Variants in NLGN4X observed in about 807,000 individuals in gnomAD.
NLGN4X encodes neuroligin-4, X-linked.
In NLGN4X, 3 loss-of-function variants were observed where a neutral mutation model predicts 40.3. The observed-to-expected ratio is 0.07, with a 90% CI of 0.03 to 0.19. The LOEUF is 0.19. Among genes scored for constraint, NLGN4X ranks in the 10% least tolerant of loss-of-function variants. NLGN4X has a pLI of 1.00. For missense variants in NLGN4X, 382 were observed against 708.3 expected (o/e 0.54, Z 5.23); for synonymous variants, 270 against 306.8 (o/e 0.88, Z 1.25).
intron 2 of NLGN4X, among the ~76,000 whole-genome samples, chrX:6,140,972 T>A (rs1258127053): frequency 1.8e-5 from 2 of 111,650 alleles, no homozygotes; most frequent in Non-Finnish European, 3.8e-5. Flanking sequence ...TTTGCTTTAT[T>A]TTACCAGTAG....
At chrX:6,057,617 A>C (rs937136851) in intron 2 of NLGN4X, among the ~76,000 whole-genome samples, 1 of 112,382 alleles carries the variant, frequency 8.9e-6, no homozygotes, top group African/African-American at 3.2e-5. Flanking sequence ...ACATGTATAT[A>C]TGTAAGGGTC....
At chrX:6,196,545 C>G (rs1439905921) in intron 1 of NLGN4X, among the ~76,000 whole-genome samples, 1 of 31,860 alleles carries the variant, frequency 3.1e-5, no homozygotes. Flanking sequence ...GAGCGAGACT[C>G]TGTCTCAAAA....
At position 5,903,368 on chromosome X, in the gene NLGN4X, C is replaced by T. The variant is rs1377267584; in HGVS notation, c.1310G>A (p.Arg437Gln). 3 of 1,209,358 alleles carry T rather than the reference C, an allele frequency of 2.5e-6. No individual in the cohort carries two copies. The highest frequency in any genetic ancestry group is 3.4e-6 in the Non-Finnish European group (3 of 894,952). ...WADKENPETR[R>Q]KTLVALFTDH... ...AGTAAAGAGAGCCACCAGGGTTTTC[C>T]GCCGCGTCTCCGGGTTTTCCTTATC... The change falls in exon 5 of 6, where the codon CGG becomes CAG. Residue 437 changes from arginine to glutamine, a missense_variant. Physicochemically the swap from Arg to Gln is conservative, Grantham distance 43. Transcript: ENST00000381095.
chrX:6,097,737 G>A (rs1187256142), intron 2 of NLGN4X, among the ~76,000 whole-genome samples: 3 of 111,701 alleles, frequency 2.7e-5, no homozygotes, highest in African/African-American at 9.8e-5. Flanking sequence ...TCACTCATTA[G>A]TTCAGGGACA....
intron 2 of NLGN4X, among the ~76,000 whole-genome samples, chrX:6,036,114 A>C (rs1298654994): frequency 9.0e-6 from 1 of 111,711 alleles, no homozygotes; most frequent in Admixed American, 9.5e-5. Flanking sequence ...ATTTATACCC[A>C]TGTGAGTTGC....
At chrX:6,156,369 C>T (rs1436935712) in intron 1 of NLGN4X, among the ~76,000 whole-genome samples, 2 of 110,905 alleles carry the variant, frequency 1.8e-5, no homozygotes, top group Admixed American at 9.6e-5. Context: ...ATTAGCTGGG[C>T]GTGGTGGCGG....
intron 3 of NLGN4X, among the ~76,000 whole-genome samples, chrX:5,975,062 A>G (rs1350055373): frequency 2.7e-5 from 3 of 111,472 alleles, no homozygotes; most frequent in Non-Finnish European, 3.8e-5. Context: ...ATTGGGAGGG[A>G]GCAGGACTGC....
At chrX:6,074,551 T>C (rs1360499638) in intron 2 of NLGN4X, among the ~76,000 whole-genome samples, 1 of 112,020 alleles carries the variant, frequency 8.9e-6, no homozygotes, top group Non-Finnish European at 1.9e-5. Flanking sequence ...GGTCAGATTA[T>C]CTTGCAGCAG....
rs1166027184 is a variant in NLGN4X, at chrX:5,903,712, G to A, written c.966C>T (p.Asn322=). ...TGGTCTGCTGGATGAGCTCCTTGTA[G>A]TTCTTGTTCCGCAGGCATTCTACCA... The part of the protein sequence containing the change: ...TDMVECLRNK[N]YKELIQQTIT... The change falls in exon 5 of 6, where the codon AAC becomes AAT. Residue 322 remains asparagine, a synonymous_variant. Coordinates refer to ENST00000381095, the MANE Select transcript of NLGN4X (RefSeq NM_181332.3). 8.3e-7 allele frequency: 1 copy of A among 1,211,892 alleles called. No homozygotes were observed. The highest frequency in any genetic ancestry group is 1.1e-6 in the Non-Finnish European group (1 of 895,588).
intron 2 of NLGN4X, among the ~76,000 whole-genome samples, chrX:6,120,901 A>C (rs1430172548): frequency 2.7e-5 from 3 of 111,691 alleles, no homozygotes; most frequent in African/African-American, 9.8e-5. Flanking sequence ...GCCTCAAGAA[A>C]CTTTAGAGAG....
At chrX:6,070,127 T>C (rs1007147785) in intron 2 of NLGN4X, among the ~76,000 whole-genome samples, 1 of 110,982 alleles carries the variant, frequency 9.0e-6, no homozygotes, top group Non-Finnish European at 1.9e-5. Context: ...ATAAATCTAC[T>C]ACAACAAAAA....
chrX:6,195,740 C>A (rs1239564818), intron 1 of NLGN4X, among the ~76,000 whole-genome samples: 2 of 111,493 alleles, frequency 1.8e-5, no homozygotes, highest in Admixed American at 1.9e-4. Context: ...TGCATTGTAT[C>A]TGACTGGCTA....
chrX:6,181,017 T>TTC (rs749585768), intron 1 of NLGN4X, among the ~76,000 whole-genome samples: 9 of 110,908 alleles, frequency 8.1e-5, no homozygotes, highest in African/African-American at 2.6e-4. Flanking sequence ...AATAGTTTGC[T>TTC]TCTCTCTCTC....
At chrX:5,969,080 A>G (rs1569159590) in intron 3 of NLGN4X, among the ~76,000 whole-genome samples, 1 of 110,701 alleles carries the variant, frequency 9.0e-6, no homozygotes, top group Non-Finnish European at 1.9e-5. Context: ...CTAGAAGAAA[A>G]CCTAGGCAAT....
At chrX:5,977,131 TA>T (rs2035202649) in intron 3 of NLGN4X, among the ~76,000 whole-genome samples, 1 of 112,866 alleles carries the variant, frequency 8.9e-6, no homozygotes, top group African/African-American at 3.2e-5. Flanking sequence ...CCTTGAAGGA[TA>T]AAAACATGGT....
At position 5,951,926 on chromosome X, in the gene NLGN4X, T is replaced by C. The variant is rs778533289; in HGVS notation, c.626-42687A>G. Among the ~76,000 whole-genome samples, 3 of 112,429 alleles carry C rather than the reference T, an allele frequency of 2.7e-5. No individual in the cohort carries two copies. The South Asian group carries it at 1.1e-3, about 42-fold the overall frequency. ...GTAGTATGAAGCCTTGGAGATATCCTCTGCATTCAGCAATATTTCATTTCC... is the reference window on the plus strand; with the variant it reads ...GTAGTATGAAGCCTTGGAGATATCCCCTGCATTCAGCAATATTTCATTTCC... On this transcript the variant is annotated intron_variant, in intron 3 of 5. Coordinates refer to ENST00000381095, the MANE Select transcript of NLGN4X (RefSeq NM_181332.3).
intron 3 of NLGN4X, among the ~76,000 whole-genome samples, chrX:5,940,003 G>C (rs147785523): frequency 6.0e-4 from 67 of 111,268 alleles, no homozygotes; most frequent in African/African-American, 2.1e-3. Flanking sequence ...AAGAACGTGT[G>C]GAAAAATACA....
At chrX:6,048,851 CG>C (rs1391013225) in intron 2 of NLGN4X, among the ~76,000 whole-genome samples, 1 of 59,692 alleles carries the variant, frequency 1.7e-5, no homozygotes, top group African/African-American at 6.9e-5. Flanking sequence ...TCAGGGAGGG[CG>C]GGGGGAAGGG....
At chrX:6,204,127 T>C (rs1923845989) in intron 1 of NLGN4X, among the ~76,000 whole-genome samples, 1 of 112,428 alleles carries the variant, frequency 8.9e-6, no homozygotes. Context: ...TTATCAAATG[T>C]ATAAACGAAG....
Sources: allele counts gnomAD v4.1 joint callset (sites outside exome capture counted in the v4.1 genomes callset), GRCh38; gene constraint gnomAD v4.1.1; transcripts MANE v1.5; gene names NCBI Gene and HGNC (gene_info 2026-07-23, HGNC 2026-07-21).